The following PAIP2B variants were observed in gnomAD, a reference collection of about 807,000 sequenced individuals.
PAIP2B encodes poly(A) binding protein interacting protein 2B.
In PAIP2B, 13 loss-of-function variants were observed where a neutral mutation model predicts 17.0. The ratio of observed to expected loss-of-function variants is 0.76; its 90% CI spans 0.50 to 1.22. The LOEUF is 1.22. Among genes scored for constraint, PAIP2B ranks in the 50% most tolerant of loss-of-function variants. PAIP2B has a pLI of 0.00. For missense variants in PAIP2B, 117 were observed against 144.5 expected (o/e 0.81, Z 0.98); for synonymous variants, 43 against 48.7 (o/e 0.88, Z 0.48).
chr2:71,205,329 TG>T (rs1403170728), intron 1 of PAIP2B, among the ~76,000 whole-genome samples: 2 of 152,208 alleles, frequency 1.3e-5, no homozygotes, highest in African/African-American at 4.8e-5. Flanking sequence ...GAAAGTTTGG[TG>T]TTTCCAAACA....
At chr2:71,196,522 A>G (rs1251565357) in intron 2 of PAIP2B, among the ~76,000 whole-genome samples, 1 of 152,130 alleles carries the variant, frequency 6.6e-6, no homozygotes. Flanking sequence ...GGTCTAGCAG[A>G]CCCATTTGTT....
intron 1 of PAIP2B, among the ~76,000 whole-genome samples, chr2:71,216,855 C>T (rs1366495124): frequency 6.6e-6 from 1 of 152,196 alleles, no homozygotes; most frequent in Non-Finnish European, 1.5e-5. Context: ...CATATATCTC[C>T]TTTCTACTCT....
At position 71,218,189 on chromosome 2, in the gene PAIP2B, T is replaced by C. The variant is rs1213617976; in HGVS notation, c.-12+8739A>G. 2.6e-5 allele frequency among the ~76,000 whole-genome samples: 4 copies of C among 151,688 alleles called. No homozygotes were observed. The East Asian group carries it at 5.8e-4, about 22-fold the overall frequency. On this transcript the variant is annotated intron_variant, in intron 1 of 3. Transcript: ENST00000244221. ...GGCTAGCAAAAAAAGAAAGAAAAAA[T>C]AAAGCAAAATGACAAATTACTTACT...
At chr2:71,205,602 A>G (rs1222376370) in intron 1 of PAIP2B, among the ~76,000 whole-genome samples, 1 of 152,094 alleles carries the variant, frequency 6.6e-6, no homozygotes, top group Non-Finnish European at 1.5e-5. Context: ...CATCACCCTT[A>G]ACTTCCCTGA....
At chr2:71,214,033 G>T (rs34913732) in intron 1 of PAIP2B, among the ~76,000 whole-genome samples, 1 of 151,976 alleles carries the variant, frequency 6.6e-6, no homozygotes, top group Non-Finnish European at 1.5e-5. Context: ...TTAGAGACAG[G>T]TCTCACTATG....
At position 71,186,080 on chromosome 2, in the gene PAIP2B, G is replaced by T. The variant is rs1172979940; in HGVS notation, c.*2399C>A. 6.6e-6 allele frequency: 1 copy of T among 152,208 alleles called. No homozygotes were observed. The highest frequency in any genetic ancestry group is 1.5e-5 in the Non-Finnish European group (1 of 68,048). 9.4% of individuals were successfully genotyped at this position (152,208 alleles called of 1,614,324 possible). ...TATAAATACAAGTCTTACCATTAAA[G>T]GGTAAAGGTGTCCAGTCTGGCTTGC... On this transcript the variant is annotated 3_prime_UTR_variant, in exon 4 of 4. Coordinates refer to ENST00000244221, the MANE Select transcript of PAIP2B (RefSeq NM_020459.1).
chr2:71,204,867 C>T (rs564352902), intron 1 of PAIP2B, among the ~76,000 whole-genome samples: 1 of 152,254 alleles, frequency 6.6e-6, no homozygotes, highest in African/African-American at 2.4e-5. Flanking sequence ...ATATACTGTA[C>T]TATTATTTCC....
intron 1 of PAIP2B, among the ~76,000 whole-genome samples, chr2:71,220,326 T>C (rs1329238636): frequency 6.6e-6 from 1 of 152,154 alleles, no homozygotes; most frequent in East Asian, 1.9e-4. Context: ...TTCATAAAAA[T>C]AAAGGGATAA....
At chr2:71,203,727 AT>A (rs912108290) in intron 1 of PAIP2B, among the ~76,000 whole-genome samples, 4 of 151,252 alleles carry the variant, frequency 2.6e-5, no homozygotes, top group African/African-American at 7.3e-5. Flanking sequence ...TATAATTTTT[AT>A]TTTTTATAAA....
Position 71,189,928 on chromosome 2 carries a change from C to G in PAIP2B, c.232G>C (p.Asp78His), listed in dbSNP as rs1488414989. 6.2e-7 allele frequency: 1 copy of G among 1,602,550 alleles called. No homozygotes were observed. Among genetic ancestry groups the G allele is most frequent in the Non-Finnish European group, 8.5e-7 (1 of 1,174,568 alleles). Residue 78 changes from aspartate to histidine, a missense_variant, in exon 3 of 4, where the codon GAC becomes CAC. By Grantham distance (81) the Asp-to-His change is moderately conservative. Coordinates refer to ENST00000244221, the MANE Select transcript of PAIP2B (RefSeq NM_020459.1). ...AACTGTCCCATGGCCTGAGGCAGGT[C>G]TCGTGAGGGAATAAACCAGTCTTGG... ...EDQDWFIPSR[D>H]LPQAMGQLQQ... is the part of the protein sequence containing the mutation.
intron 3 of PAIP2B, 138 bp from the exon 4 acceptor site, chr2:71,188,673 G>T: frequency 1.4e-6 from 1 of 723,798 alleles, no homozygotes. Context: ...GTTATTGCTA[G>T]GTTATCTCAA....
intron 2 of PAIP2B, among the ~76,000 whole-genome samples, chr2:71,195,945 T>C (rs1674807250): frequency 6.6e-6 from 1 of 152,206 alleles, no homozygotes; most frequent in African/African-American, 2.4e-5. Context: ...CCTATTTCAT[T>C]AACTTTTTTC....
At chr2:71,211,119 C>T (rs866926005) in intron 1 of PAIP2B, among the ~76,000 whole-genome samples, 6 of 152,074 alleles carry the variant, frequency 3.9e-5, no homozygotes, top group African/African-American at 1.4e-4. Flanking sequence ...TGGTGGCAGG[C>T]GCCTGTAATC....
At chr2:71,224,824 A>C (rs1289078999) in intron 1 of PAIP2B, among the ~76,000 whole-genome samples, 1 of 152,212 alleles carries the variant, frequency 6.6e-6, no homozygotes. Context: ...GAGTCCTCTA[A>C]ATTTGCAAAC....
intron 1 of PAIP2B, among the ~76,000 whole-genome samples, chr2:71,204,939 C>T (rs1675087980): frequency 6.6e-6 from 1 of 151,828 alleles, no homozygotes; most frequent in South Asian, 2.1e-4. Context: ...TGGAAAATCA[C>T]TATAGAGAAT....
Position 71,214,967 on chromosome 2 carries a change from A to T in PAIP2B, c.-12+11961T>A, listed in dbSNP as rs138214285. On this transcript the variant is annotated intron_variant, in intron 1 of 3. Transcript: ENST00000244221. The stretch of plus-strand genomic sequence containing the variant: ...ACAATATAGGATTCCAAATTAAAAA[A>T]CATACAAAGATGGTAAAAACATCCT... Among the ~76,000 whole-genome samples the T allele has an allele frequency of 8.1e-4, 123 of 152,334 alleles. 1 individual carries two copies. Among genetic ancestry groups the T allele is most frequent in the African/African-American group, 2.9e-3 (120 of 41,586 alleles).
At chr2:71,219,768 T>C (rs928101352) in intron 1 of PAIP2B, among the ~76,000 whole-genome samples, 2 of 152,200 alleles carry the variant, frequency 1.3e-5, no homozygotes, top group Non-Finnish European at 2.9e-5. Flanking sequence ...TATAAATGTA[T>C]GTGGCAAAAT....
At chr2:71,211,311 G>A (rs915870139) in intron 1 of PAIP2B, among the ~76,000 whole-genome samples, 2 of 151,568 alleles carry the variant, frequency 1.3e-5, no homozygotes, top group Non-Finnish European at 2.9e-5. Flanking sequence ...TATTCTAATT[G>A]AGCGGTTTTC....
chr2:71,220,258 A>G (rs1675548188), intron 1 of PAIP2B, among the ~76,000 whole-genome samples: 1 of 152,240 alleles, frequency 6.6e-6, no homozygotes, highest in African/African-American at 2.4e-5. Flanking sequence ...CATTATGTAC[A>G]GCAGCACGTA....
Sources: allele counts gnomAD v4.1 joint callset (sites outside exome capture counted in the v4.1 genomes callset), GRCh38; gene constraint gnomAD v4.1.1; transcripts MANE v1.5; gene names NCBI Gene and HGNC (gene_info 2026-07-23, HGNC 2026-07-21).